The following MRPS6 variants were observed in gnomAD, a reference collection of about 807,000 sequenced individuals.
MRPS6 encodes the protein small ribosomal subunit protein bS6m.
A neutral mutation model predicts 13.1 loss-of-function variants in MRPS6; 6 were observed. That is an observed-to-expected ratio of 0.46 (90% CI 0.25 to 0.91). The LOEUF (loss-of-function observed/expected upper bound fraction) is 0.91, where lower values mean the gene tolerates loss of function less well. Ranked by LOEUF, MRPS6 falls within the 40% of genes least tolerant of loss-of-function variation. The probability of loss-of-function intolerance (pLI) is 0.18; values close to 1 mark genes in which losing one functional copy is unlikely to be tolerated. For synonymous variants in MRPS6, 61 were observed against 56.5 expected (o/e 1.08, Z -0.36); for missense variants, 164 against 155.6 (o/e 1.05, Z -0.29).
intron 1 of MRPS6, among the ~76,000 whole-genome samples, chr21:34,091,327 C>T (rs959744278): frequency 4.6e-5 from 7 of 152,014 alleles, no homozygotes; most frequent in Non-Finnish European, 1.0e-4. Context: ...TTTTCTTGTT[C>T]CTTGTTTGGT....
At chr21:34,137,485 TA>T (rs1397253104) in intron 2 of MRPS6, among the ~76,000 whole-genome samples, 2 of 152,212 alleles carry the variant, frequency 1.3e-5, no homozygotes, top group African/African-American at 4.8e-5. Context: ...TCATTAGTTC[TA>T]TTTTTTTTAT....
At chr21:34,097,010 T>G in intron 1 of MRPS6, 1 of 1,614,084 alleles carries the variant, frequency 6.2e-7, no homozygotes, top group Non-Finnish European at 8.5e-7. Context: ...AAGATGTTAA[T>G]CTGTTGGTAA....
intron 2 of MRPS6, among the ~76,000 whole-genome samples, chr21:34,140,217 C>T (rs746767918): frequency 6.6e-6 from 1 of 150,926 alleles, no homozygotes; most frequent in Non-Finnish European, 1.5e-5. Context: ...ACTATTGATT[C>T]GAGGCCTTTT....
intron 1 of MRPS6, chr21:34,095,595 C>A (rs1978928688): frequency 6.2e-7 from 1 of 1,613,460 alleles, no homozygotes. Flanking sequence ...GTCTCTGATT[C>A]TCTATATTTT....
chr21:34,102,407 A>G, intron 1 of MRPS6: 2 of 1,000,000 alleles, frequency 2.0e-6, no homozygotes, highest in South Asian at 9.4e-5. Flanking sequence ...CTTCTTTATA[A>G]AAAGAGGGAT....
At chr21:34,095,642 T>A in intron 1 of MRPS6, 1 of 1,613,750 alleles carries the variant, frequency 6.2e-7, no homozygotes, top group Non-Finnish European at 8.5e-7. Context: ...CGGGTGCCCT[T>A]TTTATCCAGG....
chr21:34,133,868 A>G lies in MRPS6; in HGVS notation c.185+8388A>G, dbSNP rs574696833. Among the ~76,000 whole-genome samples, 3 of 152,352 alleles carry G rather than the reference A, an allele frequency of 2.0e-5. No homozygotes were observed. The South Asian group carries it at 6.2e-4, about 32-fold the overall frequency. On this transcript the variant is annotated intron_variant, in intron 2 of 2. Transcript: ENST00000399312. Reference sequence around the variant, plus strand: ...TTCAGTGTGTTGGGAATGTTGGCAGACAGGGTGAGGTCATAACTTGTCCGT... The same window carrying G: ...TTCAGTGTGTTGGGAATGTTGGCAGGCAGGGTGAGGTCATAACTTGTCCGT...
rs145221823 is a variant in MRPS6 at position 34,140,182 on chromosome 21, CTAGTTTCT to C, written c.186-2223_186-2216del. ...TTACTGGATTTAATTTGCTCTTTTCCTAGTTTCTTAAAGTAGAAGCTGAGACTATTGAT... is the reference window on the plus strand; with the variant it reads ...TTACTGGATTTAATTTGCTCTTTTCCTAAAGTAGAAGCTGAGACTATTGAT... On this transcript the variant is annotated intron_variant, in intron 2 of 2. Transcript: ENST00000399312. 4.0e-3 allele frequency among the ~76,000 whole-genome samples: 598 copies of C among 149,848 alleles called. 4 individuals are homozygous for C. The highest frequency in any genetic ancestry group is 0.014 in the African/African-American group (573 of 41,090).
chr21:34,080,095 A>G (rs953372958), intron 1 of MRPS6, among the ~76,000 whole-genome samples: 2 of 152,168 alleles, frequency 1.3e-5, no homozygotes, highest in Non-Finnish European at 2.9e-5. Context: ...CTCCTGACAT[A>G]CTACTGAGGG....
At chr21:34,116,285 C>T (rs569476278) in intron 1 of MRPS6, among the ~76,000 whole-genome samples, 5 of 147,270 alleles carry the variant, frequency 3.4e-5, no homozygotes, top group African/African-American at 5.0e-5. Context: ...TGGGCTCAAG[C>T]GATCTGCCTG....
intron 1 of MRPS6, among the ~76,000 whole-genome samples, chr21:34,109,366 G>A (rs1305214017): frequency 2.6e-5 from 4 of 152,150 alleles, no homozygotes; most frequent in Non-Finnish European, 5.9e-5. Flanking sequence ...TAAGTCCTGC[G>A]ATATCTTTAG....
intron 1 of MRPS6, among the ~76,000 whole-genome samples, chr21:34,081,556 T>C (rs1401487840): frequency 6.6e-6 from 1 of 152,146 alleles, no homozygotes; most frequent in African/African-American, 2.4e-5. Flanking sequence ...AAGACTGGCA[T>C]TGGGAGACTA....
intron 1 of MRPS6, among the ~76,000 whole-genome samples, chr21:34,074,098 C>T (rs1989260112): frequency 6.7e-6 from 1 of 148,162 alleles, no homozygotes; most frequent in Admixed American, 6.7e-5. Flanking sequence ...GGAGGACACG[C>T]GCGGGCGCCC....
chr21:34,127,155 T>C (rs750257934), intron 2 of MRPS6, among the ~76,000 whole-genome samples: 1 of 152,210 alleles, frequency 6.6e-6, no homozygotes, highest in Non-Finnish European at 1.5e-5. Flanking sequence ...TTGCTGGTTC[T>C]TTTACTTTCA....
intron 1 of MRPS6, chr21:34,105,690 A>G (rs1332719144): frequency 1.0e-6 from 1 of 998,190 alleles, no homozygotes; most frequent in Non-Finnish European, 1.2e-6. Flanking sequence ...TTTTGTTATT[A>G]GTGAGTTTTT....
At chr21:34,121,981 A>G (rs913650615) in intron 1 of MRPS6, among the ~76,000 whole-genome samples, 3 of 152,156 alleles carry the variant, frequency 2.0e-5, no homozygotes, top group Non-Finnish European at 4.4e-5. Context: ...CGATGTGTCT[A>G]CCTGATGACA....
At chr21:34,082,523 C>T (rs958820924) in intron 1 of MRPS6, among the ~76,000 whole-genome samples, 2 of 151,650 alleles carry the variant, frequency 1.3e-5, no homozygotes, top group East Asian at 3.8e-4. Flanking sequence ...ATTGCTTTGC[C>T]TAGAAAATAT....
chr21:34,090,700 C>G (rs532847111), intron 1 of MRPS6, among the ~76,000 whole-genome samples: 6 of 152,184 alleles, frequency 3.9e-5, no homozygotes, highest in Non-Finnish European at 7.3e-5. Context: ...GCAATACTAG[C>G]TTTCTCTGTT....
intron 1 of MRPS6, among the ~76,000 whole-genome samples, chr21:34,085,078 C>T (rs555390509): frequency 3.9e-5 from 6 of 152,288 alleles, no homozygotes; most frequent in African/African-American, 9.6e-5. Flanking sequence ...TAGAAATTTA[C>T]GCTGTTCTTC....
Sources: gnomAD v4.1 joint callset for allele counts (sites outside exome capture counted in the v4.1 genomes callset) on GRCh38, gnomAD v4.1.1 for gene constraint, MANE v1.5 for transcripts, NCBI Gene and HGNC (gene_info 2026-07-23, HGNC 2026-07-21) for gene names.